POLE: variants seen among roughly 807,000 people sequenced by gnomAD.
POLE encodes DNA polymerase epsilon catalytic subunit A.
Under a neutral mutation model 279.2 loss-of-function variants are expected in POLE, and 188 were observed. The ratio of observed to expected loss-of-function variants is 0.67; its 90% CI spans 0.60 to 0.76. The LOEUF (loss-of-function observed/expected upper bound fraction) is 0.76. POLE is among the 30% of genes least tolerant of loss of function. POLE has a pLI of 0.00. For synonymous variants in POLE, 1,214 were observed against 1,172.5 expected (o/e 1.04, Z -0.72); for missense variants, 2,703 against 3,016.7 (o/e 0.90, Z 2.44).
At chr12:132,641,588 T>C (rs2042142062) in intron 39 of POLE, 59 bp downstream of exon 39, 2 of 1,462,576 alleles carry the variant, frequency 1.4e-6, no homozygotes, top group Non-Finnish European at 9.5e-7. Flanking sequence ...GCTTTCCAAA[T>C]TAAGGGCAAA....
Position 132,661,490 on chromosome 12 carries a change from TG to T in POLE, c.2864+36del. 5.0e-6 allele frequency: 8 copies of T among 1,606,394 alleles called. No individual in the cohort carries two copies. Among genetic ancestry groups the T allele is most frequent in the Non-Finnish European group, 6.8e-6 (8 of 1,174,466 alleles). On this transcript the variant is annotated intron_variant, in intron 24 of 48. Coordinates refer to ENST00000320574, the MANE Select transcript of POLE (RefSeq NM_006231.4). The surrounding 1 kb of genome is among the most constrained non-coding windows in gnomAD (Gnocchi z 4.1). The stretch of plus-strand genomic sequence containing the variant: ...GCTAAATTTAATCTATCTCAATCCA[TG>T]TCCTTTCTAAAGCACAAAAGCTATG...
At chr12:132,641,354 A>C in intron 39 of POLE, 1 of 475,608 alleles carries the variant, frequency 2.1e-6, no homozygotes, top group South Asian at 2.1e-5. Flanking sequence ...GATCCCTGTG[A>C]TGTACCTTTG....
intron 40 of POLE, chr12:132,638,351 A>G: frequency 2.8e-6 from 1 of 358,888 alleles, no homozygotes. Flanking sequence ...AAACAGGAAA[A>G]AATTAGCAAA....
At chr12:132,630,476 G>A (rs574846803) in intron 45 of POLE, among the ~76,000 whole-genome samples, 24 of 152,200 alleles carry the variant, frequency 1.6e-4, no homozygotes, top group Non-Finnish European at 3.1e-4. Flanking sequence ...ACAGCCAGGC[G>A]TGGTGGCTCA....
intron 1 of POLE, 57 bp downstream of exon 1, chr12:132,687,197 G>T (rs1407268694): frequency 2.5e-6 from 3 of 1,178,028 alleles, no homozygotes; most frequent in African/African-American, 1.6e-5. Flanking sequence ...AGCCGAGGAC[G>T]GCCCCATGGC....
At chr12:132,670,922 G>A (rs1439766966) in intron 16 of POLE, among the ~76,000 whole-genome samples, 1 of 152,196 alleles carries the variant, frequency 6.6e-6, no homozygotes, top group Non-Finnish European at 1.5e-5. Flanking sequence ...CTTGCCAAGA[G>A]TGTACACATA....
chr12:132,635,943 A>G lies in POLE; in HGVS notation c.5760T>C (p.Ser1920=), dbSNP rs1195248069. ...CTTTTCCTTTGATTCCGCCATAGTT[A>G]GATGGATCCATCCAGAGAAGAAATT... ...CWEFLLWMDP[S]NYGGIKGKVS... is the part of the protein sequence containing the mutation. The change falls in exon 42 of 49, where the codon TCT becomes TCC. Residue 1920 remains serine (S), a synonymous_variant. Transcript: ENST00000320574. 2 of 1,613,966 alleles carry G rather than the reference A, an allele frequency of 1.2e-6. No individual in the cohort carries two copies. The highest frequency in any genetic ancestry group is 3.3e-5 in the Admixed American group (2 of 59,982).
Position 132,649,748 on chromosome 12 carries a change from ACTC to A in POLE, c.3721_3723del (p.Glu1241del). On this transcript the variant is annotated inframe_deletion, in exon 30 of 49. Coordinates refer to ENST00000320574, the MANE Select transcript of POLE (RefSeq NM_006231.4). ...GGCACAGTCGGCGTGAGGTCCTGGG[ACTC>A]CTCCTGGCTCTCCCAAAGAACTCGC... 6.2e-7 allele frequency: 1 copy of A among 1,613,726 alleles called. No homozygotes were observed. The highest frequency in any genetic ancestry group is 8.5e-7 in the Non-Finnish European group (1 of 1,179,936).
chr12:132,669,461 T>C (rs1404792591), intron 16 of POLE, among the ~76,000 whole-genome samples: 1 of 151,036 alleles, frequency 6.6e-6, no homozygotes, highest in Non-Finnish European at 1.5e-5. Flanking sequence ...CAGATCCTGT[T>C]TCAGAAAAAA....
At position 132,642,639 on chromosome 12, in the gene POLE, G is replaced by A; in HGVS notation, c.4819C>T (p.Pro1607Ser). 6.2e-7 allele frequency: 1 copy of A among 1,613,332 alleles called. No individual in the cohort carries two copies. The highest frequency in any genetic ancestry group is 8.5e-7 in the Non-Finnish European group (1 of 1,180,026). ...ASEIPVLEEF[P>S]LVPICVADKI... Reference sequence around the variant, plus strand: ...TCAGCCACACAGATAGGCACCAGTGGGAATTCCTCCAAGACAGGAATTTCA... The same window carrying A: ...TCAGCCACACAGATAGGCACCAGTGAGAATTCCTCCAAGACAGGAATTTCA... The change falls in exon 37 of 49, where the codon CCA becomes TCA. Residue 1607 changes from proline (P) to serine (S), a missense_variant. By Grantham distance (74) the Pro-to-Ser change is moderately conservative. Coordinates refer to ENST00000320574, the MANE Select transcript of POLE (RefSeq NM_006231.4).
chr12:132,647,628 C>T (rs912891711), intron 32 of POLE, among the ~76,000 whole-genome samples: 2 of 152,086 alleles, frequency 1.3e-5, no homozygotes, highest in African/African-American at 4.8e-5. Context: ...GATGCTGACA[C>T]CATCCAGTCA....
Position 132,648,974 on chromosome 12 carries a change from C to G in POLE, c.4104G>C (p.Val1368=), listed in dbSNP as rs2042351461. 6.2e-7 allele frequency: 1 copy of G among 1,614,074 alleles called. No homozygotes were observed. The highest frequency in any genetic ancestry group is 1.3e-5 in the African/African-American group (1 of 75,078). The change falls in exon 32 of 49, where the codon GTG becomes GTC. Residue 1368 remains valine (V), a synonymous_variant. Transcript: ENST00000320574. ...IRLSIPRVFY[V]NQRVAKAEEG... The stretch of plus-strand genomic sequence containing the variant: ...CCTCCGCTTTAGCGACTCGCTGGTT[C>G]ACGTAGAACACACGGGGGATGCTCA...
chr12:132,658,788 T>G (rs984278191), intron 26 of POLE: 3 of 150,346 alleles, frequency 2.0e-5, no homozygotes, highest in African/African-American at 8.0e-5. Flanking sequence ...CCCCAACCTA[T>G]TCCCTCCTCA....
At position 132,673,989 on chromosome 12, in the gene POLE, G is replaced by A. The variant is rs530316737; in HGVS notation, c.1227-282C>T. On this transcript the variant is annotated intron_variant, in intron 12 of 48. Transcript: ENST00000320574. The stretch of plus-strand genomic sequence containing the variant: ...CAGCAGAGTTTGTGGCCTCTCCGAC[G>A]GGCGCCCCACCTCCTTGGGCCTCTC... Among the ~76,000 whole-genome samples, 17 of 152,096 alleles carry A rather than the reference G, an allele frequency of 1.1e-4. No homozygotes were observed. In the South Asian group the frequency reaches 2.1e-3, roughly 19 times the overall value.
Position 132,680,163 on chromosome 12 carries a change from A to G in POLE, c.330+15T>C, listed in dbSNP as rs1265116899. On this transcript the variant is annotated intron_variant, in intron 4 of 48. Transcript: ENST00000320574. ...CACACAGGTCGTCTGACCTGAGTCTATGAAACACACTCACCTTTCTGGTCG... is the reference window on the plus strand; with the variant it reads ...CACACAGGTCGTCTGACCTGAGTCTGTGAAACACACTCACCTTTCTGGTCG... 1.2e-6 allele frequency: 2 copies of G among 1,612,718 alleles called. No individual in the cohort carries two copies. Among genetic ancestry groups the G allele is most frequent in the Non-Finnish European group, 1.7e-6 (2 of 1,178,752 alleles).
chr12:132,682,305 T>TAA (rs1295336108), intron 1 of POLE, among the ~76,000 whole-genome samples: 1 of 75,712 alleles, frequency 1.3e-5, no homozygotes, highest in African/African-American at 4.4e-5. Flanking sequence ...AAAAAAAAAA[T>TAA]AAATAAAAAT....
At chr12:132,626,369 G>C (rs2041840452) in intron 45 of POLE, 52 bp from the exon 46 acceptor site, 2 of 1,560,344 alleles carry the variant, frequency 1.3e-6, no homozygotes, top group African/African-American at 2.7e-5. Context: ...CCTCCCTGCT[G>C]CTCTGTCTGG....
chr12:132,643,747 TC>T, intron 33 of POLE, 89 bp downstream of exon 33: 1 of 1,502,556 alleles, frequency 6.7e-7, no homozygotes. Context: ...TCGCTGCTGT[TC>T]CCCAGCCCAC....
At chr12:132,625,351 G>A (rs539349326) in intron 47 of POLE, 47 of 730,852 alleles carry the variant, frequency 6.4e-5, no homozygotes, top group South Asian at 6.1e-4. Flanking sequence ...ACCTTCCTGT[G>A]GCCGAGCTGT....
Sources: gnomAD v4.1 joint callset for allele counts (sites outside exome capture counted in the v4.1 genomes callset) on GRCh38, gnomAD v4.1.1 for gene constraint, Gnocchi (gnomAD v3.1) non-coding constraint, MANE v1.5 for transcripts, NCBI Gene and HGNC (gene_info 2026-07-23, HGNC 2026-07-21) for gene names.